The following DOK5 variants were observed in gnomAD, a reference collection of about 807,000 sequenced individuals.
DOK5 encodes docking protein 5, also known as downstream of tyrosine kinase 5.
DOK5 carries 27 observed loss-of-function variants against 43.3 expected under a neutral mutation model. The observed-to-expected ratio is 0.62, with a 90% CI of 0.46 to 0.86. The LOEUF (loss-of-function observed/expected upper bound fraction) is 0.86, where lower values mean the gene tolerates loss of function less well. Among genes scored for constraint, DOK5 ranks in the 40% least tolerant of loss-of-function variants. The probability of loss-of-function intolerance (pLI) is 0.00; values close to 1 mark genes in which losing one functional copy is unlikely to be tolerated. For synonymous variants in DOK5, 146 were observed against 140.1 expected, an observed-to-expected ratio of 1.04 and a Z score of -0.30; for missense variants, 373 against 392.9, an observed-to-expected ratio of 0.95 and a Z score of 0.43.
At chr20:54,513,462 C>CAAAAA (rs1011871917) in intron 1 of DOK5, among the ~76,000 whole-genome samples, 6 of 24,610 alleles carry the variant, frequency 2.4e-4, no homozygotes, top group South Asian at 2.2e-3. Context: ...ATACTCTGAG[C>CAAAAA]AAAAAAAAAA....
At chr20:54,538,203 C>A (rs1984022449) in intron 1 of DOK5, among the ~76,000 whole-genome samples, 1 of 149,934 alleles carries the variant, frequency 6.7e-6, no homozygotes, top group African/African-American at 2.5e-5. Flanking sequence ...TTTTATTATG[C>A]ACTTTTTTTT....
chr20:54,644,717 A>ACAAACAAAC (rs1568827185), intron 7 of DOK5, among the ~76,000 whole-genome samples: 2 of 68,028 alleles, frequency 2.9e-5, no homozygotes, highest in African/African-American at 6.1e-5. Flanking sequence ...AAAAAAAAAA[A>ACAAACAAAC]AAAAAAACAA....
chr20:54,627,197 CACA>C (rs1208370509), intron 6 of DOK5, among the ~76,000 whole-genome samples: 6 of 152,144 alleles, frequency 3.9e-5, no homozygotes, highest in African/African-American at 1.2e-4. Context: ...AACAAAACAA[CACA>C]ACAACATCAA....
At chr20:54,573,829 C>A (rs1214631926) in intron 2 of DOK5, among the ~76,000 whole-genome samples, 1 of 151,976 alleles carries the variant, frequency 6.6e-6, no homozygotes, top group African/African-American at 2.4e-5. Context: ...CCTGAAAGTT[C>A]CAAAGAGCTG....
At chr20:54,508,311 C>T (rs980590724) in intron 1 of DOK5, among the ~76,000 whole-genome samples, 1 of 151,770 alleles carries the variant, frequency 6.6e-6, no homozygotes, top group Non-Finnish European at 1.5e-5. Context: ...CCCACCTCCC[C>T]ACCACACATA....
chr20:54,635,403 T>A (rs892926596), intron 6 of DOK5, among the ~76,000 whole-genome samples: 2 of 152,132 alleles, frequency 1.3e-5, no homozygotes, highest in African/African-American at 4.8e-5. Flanking sequence ...ATATTTACCA[T>A]CTCTTCTCTC....
chr20:54,516,228 T>A (rs1440773369), intron 1 of DOK5, among the ~76,000 whole-genome samples: 3 of 152,184 alleles, frequency 2.0e-5, no homozygotes, highest in Non-Finnish European at 4.4e-5. Flanking sequence ...GGAGAAATCA[T>A]TGTCAGCTAC....
intron 1 of DOK5, among the ~76,000 whole-genome samples, chr20:54,526,610 C>T (rs1289586265): frequency 6.6e-6 from 1 of 152,078 alleles, no homozygotes; most frequent in African/African-American, 2.4e-5. Flanking sequence ...TTAAAAACCC[C>T]AAAATTTAAG....
Position 54,643,468 on chromosome 20 carries a change from A to T in DOK5, c.746A>T (p.Lys249Met), listed in dbSNP as rs1415191550. 1 of 1,613,500 alleles carries T rather than the reference A, an allele frequency of 6.2e-7. No individual in the cohort carries two copies. Among genetic ancestry groups the T allele is most frequent in the African/African-American group, 1.3e-5 (1 of 74,954 alleles). Residue 249 changes from lysine to methionine, a missense_variant, in exon 7 of 8, where the codon AAG (lysine) becomes ATG (methionine). Coordinates refer to ENST00000262593, the MANE Select transcript of DOK5 (RefSeq NM_018431.5). ...QSVKNSMLQMKMSERAASLST... is the reference protein window; with the variant it reads ...QSVKNSMLQMMMSERAASLST... ...TCCCTTTGGCTGCAGCTCCAGATGAAGATGAGTGAGCGGGCCGCCTCGCTG... is the reference window on the plus strand; with the variant it reads ...TCCCTTTGGCTGCAGCTCCAGATGATGATGAGTGAGCGGGCCGCCTCGCTG...
chr20:54,609,171 C>G (rs1054588696), intron 5 of DOK5, among the ~76,000 whole-genome samples: 5 of 152,084 alleles, frequency 3.3e-5, no homozygotes, highest in Non-Finnish European at 7.4e-5. Flanking sequence ...CTGGGCTAGA[C>G]TAAAAAAAAT....
At chr20:54,593,689 T>C (rs1042499027) in intron 5 of DOK5, among the ~76,000 whole-genome samples, 3 of 152,118 alleles carry the variant, frequency 2.0e-5, no homozygotes, top group South Asian at 4.1e-4. Flanking sequence ...TAAAAACACA[T>C]GCACATGTAT....
chr20:54,488,319 A>G (rs1005545107), intron 1 of DOK5, among the ~76,000 whole-genome samples: 2 of 152,194 alleles, frequency 1.3e-5, no homozygotes, highest in Non-Finnish European at 1.5e-5. Context: ...CATCTTCTCC[A>G]TTAACTGGTT....
chr20:54,476,970 G>A (rs1345310500), intron 1 of DOK5, among the ~76,000 whole-genome samples: 1 of 149,508 alleles, frequency 6.7e-6, no homozygotes, highest in African/African-American at 2.5e-5. Flanking sequence ...ATTTCTCTTT[G>A]CCTCCTATCA....
At chr20:54,505,474 A>C (rs1982770036) in intron 1 of DOK5, among the ~76,000 whole-genome samples, 1 of 152,180 alleles carries the variant, frequency 6.6e-6, no homozygotes, top group Non-Finnish European at 1.5e-5. Context: ...ATGGGCTGCT[A>C]TATTGAGGTA....
intron 6 of DOK5, among the ~76,000 whole-genome samples, chr20:54,638,756 T>C (rs942019303): frequency 6.8e-6 from 1 of 147,190 alleles, no homozygotes; most frequent in African/African-American, 2.5e-5. Context: ...TCTTTTCTTT[T>C]TTTTTTTTTT....
intron 2 of DOK5, among the ~76,000 whole-genome samples, chr20:54,587,790 GA>G: frequency 6.6e-6 from 1 of 152,280 alleles, no homozygotes; most frequent in African/African-American, 2.4e-5. Flanking sequence ...CTGCTAGGAA[GA>G]AGGCGCCACT....
intron 5 of DOK5, among the ~76,000 whole-genome samples, chr20:54,607,993 AAG>A (rs1986527416): frequency 6.6e-6 from 1 of 152,212 alleles, no homozygotes; most frequent in South Asian, 2.1e-4. Flanking sequence ...GATATAAATT[AAG>A]CATTCCACCA....
At chr20:54,550,197 A>AG (rs1984478516) in intron 1 of DOK5, among the ~76,000 whole-genome samples, 1 of 151,110 alleles carries the variant, frequency 6.6e-6, no homozygotes. Context: ...AAAAAAAAAA[A>AG]GGACTGGAGA....
intron 1 of DOK5, among the ~76,000 whole-genome samples, chr20:54,507,339 A>G (rs527274235): frequency 6.6e-6 from 1 of 152,344 alleles, no homozygotes; most frequent in South Asian, 2.1e-4. Context: ...GTACAATTTA[A>G]CATTTCCTAG....
Sources: allele counts gnomAD v4.1 joint callset (sites outside exome capture counted in the v4.1 genomes callset), GRCh38; gene constraint gnomAD v4.1.1; transcripts MANE v1.5; gene names NCBI Gene and HGNC (gene_info 2026-07-23, HGNC 2026-07-21).